ARNT2: variants seen among roughly 807,000 people sequenced by gnomAD.
The protein encoded by ARNT2 is aryl hydrocarbon receptor nuclear translocator 2, also known as ARNT protein 2.
Under a neutral mutation model 91.7 loss-of-function variants are expected in ARNT2, and 36 were observed. That is an observed-to-expected ratio of 0.39 (90% CI 0.30 to 0.52). ARNT2 has a LOEUF of 0.52. Among genes scored for constraint, ARNT2 ranks in the 20% least tolerant of loss-of-function variants. The pLI, the probability that ARNT2 is intolerant of heterozygous loss-of-function variation, is 0.72. For synonymous variants in ARNT2, 365 were observed against 347.1 expected, an observed-to-expected ratio of 1.05 and a Z score of -0.57; for missense variants, 775 against 939.3, an observed-to-expected ratio of 0.83 and a Z score of 2.29.
rs1365419891 is a variant in ARNT2, at chr15:80,552,765, C to T, written c.1080C>T (p.Tyr360=). Residue 360 remains tyrosine (Y), a synonymous_variant, in exon 10 of 19, where the codon TAC becomes TAT. Transcript: ENST00000303329. The stretch of plus-strand genomic sequence containing the variant: ...CAAGATGTATCAGTGTGATTGGCTA[C>T]CAACCCCAGGTGAGTAGATAGTTTT... ...VDPRCISVIG[Y]QPQDLLGKDI... The T allele has an allele frequency of 1.9e-6, 3 of 1,613,968 alleles. No homozygotes were observed. The highest frequency in any genetic ancestry group is 2.5e-6 in the Non-Finnish European group (3 of 1,179,918).
Position 80,591,866 on chromosome 15 carries a change from A to G in ARNT2, c.2055+162A>G. On this transcript the variant is annotated intron_variant, in intron 18 of 18. Transcript: ENST00000303329. The surrounding 1 kb of genome is among the most constrained non-coding windows in gnomAD (Gnocchi z 5.1). ...AGGAGTAGAAAGCCCCATCCTACCCAGCCAGAAACGTCAGGTGCATGTGGG... is the reference window on the plus strand; with the variant it reads ...AGGAGTAGAAAGCCCCATCCTACCCGGCCAGAAACGTCAGGTGCATGTGGG... 1 of 721,502 alleles carries G rather than the reference A, an allele frequency of 1.4e-6. No homozygotes were observed. Among genetic ancestry groups the G allele is most frequent in the South Asian group, 6.3e-5 (1 of 15,912 alleles). 44.7% of individuals were successfully genotyped at this position (721,502 alleles called of 1,614,324 possible). A position where few individuals can be genotyped will look rare whatever the true frequency, so the allele number is the denominator to read the frequency against.
intron 8 of ARNT2, among the ~76,000 whole-genome samples, chr15:80,515,805 T>G (rs1213045043): frequency 2.0e-5 from 3 of 151,466 alleles, no homozygotes; most frequent in Non-Finnish European, 4.4e-5. Flanking sequence ...AGTATATATA[T>G]CTCAGTAACT....
intron 8 of ARNT2, among the ~76,000 whole-genome samples, chr15:80,530,694 C>T (rs1196908807): frequency 6.6e-6 from 1 of 152,062 alleles, no homozygotes; most frequent in Non-Finnish European, 1.5e-5. Flanking sequence ...ATCTGTTGAG[C>T]CAAAAGCACC....
chr15:80,438,699 T>G (rs1896133259), intron 1 of ARNT2, among the ~76,000 whole-genome samples: 1 of 152,176 alleles, frequency 6.6e-6, no homozygotes, highest in African/African-American at 2.4e-5. Flanking sequence ...GCCTCTTTTT[T>G]GGGGTGGGGG....
At chr15:80,566,382 G>A (rs1898483095) in intron 12 of ARNT2, among the ~76,000 whole-genome samples, 1 of 152,142 alleles carries the variant, frequency 6.6e-6, no homozygotes, top group Admixed American at 6.5e-5. Flanking sequence ...CTGGCATCTA[G>A]CAGAGGCAAA....
At chr15:80,460,533 C>T (rs1223264717) in intron 3 of ARNT2, among the ~76,000 whole-genome samples, 1 of 152,232 alleles carries the variant, frequency 6.6e-6, no homozygotes, top group African/African-American at 2.4e-5. Context: ...CAGGCCCGCT[C>T]CACCACATCC....
At chr15:80,476,489 A>T (rs574090217) in intron 5 of ARNT2, among the ~76,000 whole-genome samples, 1 of 152,350 alleles carries the variant, frequency 6.6e-6, no homozygotes, top group East Asian at 1.9e-4. Context: ...GCATTATACC[A>T]AAATATTTGC....
chr15:80,444,483 T>C (rs1896256279), intron 1 of ARNT2: 1 of 151,620 alleles, frequency 6.6e-6, no homozygotes, highest in Admixed American at 6.6e-5. Flanking sequence ...TGTGGTGAGA[T>C]TTCTGTGAGT....
At position 80,508,259 on chromosome 15, in the gene ARNT2, G is replaced by A. The variant is rs755299708; in HGVS notation, c.725+1G>A. Reference sequence around the variant, plus strand: ...GGCGGTCTTTCATCTGCAGGATGAGGTCTGTTTTGGGGGAGCAGCAGGCCA... The same window carrying A: ...GGCGGTCTTTCATCTGCAGGATGAGATCTGTTTTGGGGGAGCAGCAGGCCA... On this transcript the variant is annotated splice_donor_variant, in intron 6 of 18. Transcript: ENST00000303329. LOFTEE classifies it high-confidence loss of function. The A allele has an allele frequency of 1.2e-6, 2 of 1,613,816 alleles. No individual in the cohort carries two copies. The highest frequency in any genetic ancestry group is 1.1e-5 in the South Asian group (1 of 91,076).
intron 6 of ARNT2, among the ~76,000 whole-genome samples, 171 bp downstream of exon 6, chr15:80,508,429 A>G (rs988358002): frequency 6.6e-6 from 1 of 152,080 alleles, no homozygotes; most frequent in Admixed American, 6.5e-5. Flanking sequence ...TTGGTTTAGG[A>G]AGGATTCTCT....
rs1244143979 is a variant in ARNT2 at position 80,595,760 on chromosome 15, G to A, written c.*2062G>A. On this transcript the variant is annotated 3_prime_UTR_variant, in exon 19 of 19. Coordinates refer to ENST00000303329, the MANE Select transcript of ARNT2 (RefSeq NM_014862.4). The stretch of plus-strand genomic sequence containing the variant: ...GCTTCTGGGGAAATGGCAGGTGGTT[G>A]AAACCCTGCACATCCTCCCAGGGCC... 2 of 152,264 alleles carry A rather than the reference G, an allele frequency of 1.3e-5. No individual in the cohort carries two copies. The highest frequency in any genetic ancestry group is 2.9e-5 in the Non-Finnish European group (2 of 68,076). The allele number at this position is 152,264 out of a possible 1,614,324, so 9.4% of individuals were successfully genotyped here. A position where few individuals can be genotyped will look rare whatever the true frequency, so the allele number is the denominator to read the frequency against.
At chr15:80,563,963 G>T (rs1367532812) in intron 12 of ARNT2, among the ~76,000 whole-genome samples, 1 of 152,188 alleles carries the variant, frequency 6.6e-6, no homozygotes, top group Non-Finnish European at 1.5e-5. Flanking sequence ...GCATGACCTT[G>T]AACAGGTCAT....
At position 80,597,705 on chromosome 15, in the gene ARNT2, A is replaced by G. The variant is rs1268664361; in HGVS notation, c.*4007A>G. 1 of 155,606 alleles carries G rather than the reference A, an allele frequency of 6.4e-6. No homozygotes were observed. The highest frequency in any genetic ancestry group is 2.4e-5 in the African/African-American group (1 of 41,462). 9.6% of individuals were successfully genotyped at this position (155,606 alleles called of 1,614,324 possible). A position where few individuals can be genotyped will look rare whatever the true frequency, so the allele number is the denominator to read the frequency against. Reference sequence around the variant, plus strand: ...TCATCTAACAATCTCAGTTTCCTTTAAAAAAAGAAAGAAAGGAAAAGATTT... The same window carrying G: ...TCATCTAACAATCTCAGTTTCCTTTGAAAAAAGAAAGAAAGGAAAAGATTT... On this transcript the variant is annotated 3_prime_UTR_variant, in exon 19 of 19. Coordinates refer to ENST00000303329, the MANE Select transcript of ARNT2 (RefSeq NM_014862.4).
intron 8 of ARNT2, among the ~76,000 whole-genome samples, chr15:80,541,134 C>A (rs1897898223): frequency 6.6e-6 from 1 of 152,194 alleles, no homozygotes; most frequent in South Asian, 2.1e-4. Flanking sequence ...CTTTTCTCTG[C>A]AGCTTTGCCA....
At chr15:80,531,536 C>T (rs1897740240) in intron 8 of ARNT2, among the ~76,000 whole-genome samples, 1 of 152,222 alleles carries the variant, frequency 6.6e-6, no homozygotes, top group Non-Finnish European at 1.5e-5. Context: ...CCAGGAAGCT[C>T]TCCCTTCCGA....
chr15:80,562,232 T>G (rs908703053), intron 11 of ARNT2, among the ~76,000 whole-genome samples: 1 of 152,060 alleles, frequency 6.6e-6, no homozygotes, highest in African/African-American at 2.4e-5. Flanking sequence ...GGGGCCTGGC[T>G]GGTTTTCGTA....
At chr15:80,449,115 A>G (rs1370127625) in intron 1 of ARNT2, among the ~76,000 whole-genome samples, 1 of 152,260 alleles carries the variant, frequency 6.6e-6, no homozygotes, top group African/African-American at 2.4e-5. Context: ...GGATAACCGA[A>G]GTTAAGCAAT....
intron 15 of ARNT2, chr15:80,580,050 T>C (rs758386339): frequency 3.1e-5 from 6 of 194,392 alleles, no homozygotes; most frequent in South Asian, 1.3e-4. Flanking sequence ...GTGGGACTGA[T>C]TTTTATTCTA....
chr15:80,425,344 G>A lies in ARNT2; in HGVS notation c.31+20798G>A, dbSNP rs75466302. Among the ~76,000 whole-genome samples, 605 of 152,090 alleles carry A rather than the reference G, an allele frequency of 4.0e-3. 2 individuals carry two copies. Among genetic ancestry groups the A allele is most frequent in the African/African-American group, 0.014 (589 of 41,486 alleles). Reference sequence around the variant, plus strand: ...GTTTTTGTTTTTTTGAGTGAAGAAAGGATAATTTATTTAAAAATAATAATG... The same window carrying A: ...GTTTTTGTTTTTTTGAGTGAAGAAAAGATAATTTATTTAAAAATAATAATG... On this transcript the variant is annotated intron_variant, in intron 1 of 18. Transcript: ENST00000303329.
Sources: allele counts gnomAD v4.1 joint callset (sites outside exome capture counted in the v4.1 genomes callset), GRCh38; gene constraint gnomAD v4.1.1; non-coding constraint Gnocchi (gnomAD v3.1); transcripts MANE v1.5; gene names NCBI Gene and HGNC (gene_info 2026-07-23, HGNC 2026-07-21).